The following HERC4 variants were observed in gnomAD, a reference collection of about 807,000 sequenced individuals.
HERC4 encodes HECT and RLD domain containing E3 ubiquitin protein ligase 4, also known as probable E3 ubiquitin-protein ligase HERC4.
A neutral mutation model predicts 124.3 loss-of-function variants in HERC4; 28 were observed. The ratio of observed to expected loss-of-function variants is 0.23; its 90% CI spans 0.17 to 0.31. The LOEUF (loss-of-function observed/expected upper bound fraction) is 0.31, where lower values mean the gene tolerates loss of function less well. Among genes scored for constraint, HERC4 ranks in the 10% least tolerant of loss-of-function variants. HERC4 has a pLI of 1.00. For synonymous variants in HERC4, 407 were observed against 421.5 expected, an observed-to-expected ratio of 0.97 and a Z score of 0.42; for missense variants, 713 against 1,229.3, an observed-to-expected ratio of 0.58 and a Z score of 6.28.
intron 3 of HERC4, among the ~76,000 whole-genome samples, chr10:68,066,096 T>C (rs1241211978): frequency 6.6e-6 from 1 of 152,118 alleles, no homozygotes; most frequent in Admixed American, 6.5e-5. Flanking sequence ...CCAAATAAAC[T>C]CTTATATAAA....
At chr10:67,935,644 C>G (rs568216494) in intron 22 of HERC4, among the ~76,000 whole-genome samples, 1 of 152,300 alleles carries the variant, frequency 6.6e-6, no homozygotes, top group South Asian at 2.1e-4. Context: ...AATTTCCAAT[C>G]TCCTGCCCAG....
At chr10:67,961,356 T>C (rs1167388558) in intron 16 of HERC4, 1 of 153,374 alleles carries the variant, frequency 6.5e-6, no homozygotes, top group Non-Finnish European at 1.5e-5. Context: ...ATATTTCTTA[T>C]ACTGAACACA....
intron 23 of HERC4, 125 bp downstream of exon 23, chr10:67,932,472 G>A (rs1564918993): frequency 4.1e-6 from 3 of 727,992 alleles, no homozygotes; most frequent in Non-Finnish European, 4.5e-6. Context: ...AGTTTGAAGG[G>A]TAGAGTGCTT....
chr10:67,990,168 T>C, intron 14 of HERC4, 43 bp downstream of exon 14: 1 of 1,484,806 alleles, frequency 6.7e-7, no homozygotes. Context: ...CATTTTCATT[T>C]AAAGAGAAAA....
intron 19 of HERC4, among the ~76,000 whole-genome samples, chr10:67,952,325 C>G (rs1346068197): frequency 2.0e-5 from 3 of 152,110 alleles, no homozygotes; most frequent in Non-Finnish European, 4.4e-5. Flanking sequence ...CGTTTTGTCA[C>G]CAGGCTGGAG....
intron 16 of HERC4, among the ~76,000 whole-genome samples, chr10:67,964,444 T>A (rs950123723): frequency 1.2e-4 from 19 of 152,248 alleles, no homozygotes; most frequent in Middle Eastern, 3.4e-3. Flanking sequence ...TCTCCAAGAT[T>A]CCCTTTTATC....
intron 9 of HERC4, chr10:67,995,273 T>C: frequency 2.2e-6 from 1 of 455,754 alleles, no homozygotes; most frequent in Middle Eastern, 3.4e-4. Context: ...GTGGTGGTAG[T>C]AGGCATTGAT....
chr10:68,005,691 CT>C (rs1434694914), intron 9 of HERC4, among the ~76,000 whole-genome samples: 1 of 141,410 alleles, frequency 7.1e-6, no homozygotes, highest in Non-Finnish European at 1.5e-5. Flanking sequence ...TTTTAATTTT[CT>C]GTGCATCTAT....
At chr10:68,010,139 C>T in intron 9 of HERC4, 1 of 868,618 alleles carries the variant, frequency 1.2e-6, no homozygotes. Context: ...CTGGCACAAA[C>T]TCCGGGTTCT....
At chr10:67,953,042 A>G (rs1313846376) in intron 19 of HERC4, among the ~76,000 whole-genome samples, 1 of 152,182 alleles carries the variant, frequency 6.6e-6, no homozygotes, top group Non-Finnish European at 1.5e-5. Context: ...TATGTAATAT[A>G]TTGCTATCTA....
chr10:68,049,590 C>CAAAAAAAAAAA lies in HERC4; in HGVS notation c.227-5038_227-5028dup, dbSNP rs766514516. Among the ~76,000 whole-genome samples, 18 of 42,608 alleles carry CAAAAAAAAAAA rather than the reference C, an allele frequency of 4.2e-4. 1 individual carries two copies. The highest frequency in any genetic ancestry group is 2.0e-3 in the African/African-American group (17 of 8,522). 28.0% of individuals were successfully genotyped at this position (42,608 alleles called of 152,430 possible). The stretch of plus-strand genomic sequence containing the variant: ...TGGGTGACAGAGTGAGACACTGCCA[C>CAAAAAAAAAAA]AAAAAAAAAAAAAAAAAAAAAAACA... On this transcript the variant is annotated intron_variant, in intron 3 of 24. Coordinates refer to ENST00000373700, the MANE Select transcript of HERC4 (RefSeq NM_015601.4).
intron 19 of HERC4, among the ~76,000 whole-genome samples, chr10:67,948,136 A>C (rs7905627): frequency 6.6e-6 from 1 of 152,212 alleles, no homozygotes; most frequent in Non-Finnish European, 1.5e-5. Context: ...AGTTGTAAAC[A>C]CTTAAACTAA....
chr10:67,936,299 A>G (rs1472243971), intron 21 of HERC4, 64 bp from the exon 22 acceptor site: 2 of 906,902 alleles, frequency 2.2e-6, no homozygotes. Flanking sequence ...ATCTATTATT[A>G]TATTCTACCT....
At chr10:67,998,365 T>A (rs2037018565) in intron 9 of HERC4, among the ~76,000 whole-genome samples, 1 of 151,390 alleles carries the variant, frequency 6.6e-6, no homozygotes. Flanking sequence ...CTGGCCAAAA[T>A]GGTGAAACCC....
At chr10:68,044,374 T>A (rs1276843168) in intron 4 of HERC4, 30 bp downstream of exon 4, 1 of 1,587,940 alleles carries the variant, frequency 6.3e-7, no homozygotes, top group Admixed American at 1.9e-5. Context: ...AAAAGATTGT[T>A]AAGGACCTCT....
chr10:68,009,639 T>C (rs536153333), intron 9 of HERC4, among the ~76,000 whole-genome samples: 53 of 152,280 alleles, frequency 3.5e-4, no homozygotes, highest in African/African-American at 1.2e-3. Flanking sequence ...TGTGGCAATT[T>C]CTTAAAATAA....
At chr10:68,025,948 C>T (rs578153242) in intron 7 of HERC4, among the ~76,000 whole-genome samples, 2 of 152,124 alleles carry the variant, frequency 1.3e-5, no homozygotes, top group Non-Finnish European at 2.9e-5. Context: ...TATCATTATA[C>T]TGTCTTGCTG....
chr10:68,041,526 AAT>A (rs1302238815), intron 4 of HERC4, among the ~76,000 whole-genome samples: 4 of 152,186 alleles, frequency 2.6e-5, no homozygotes, highest in South Asian at 2.1e-4. Context: ...TAATAATTCA[AAT>A]ATGTTTAGTT....
intron 7 of HERC4, among the ~76,000 whole-genome samples, 193 bp downstream of exon 7, chr10:68,032,585 T>C (rs2039264207): frequency 6.6e-6 from 1 of 152,160 alleles, no homozygotes; most frequent in Admixed American, 6.5e-5. Context: ...AATTCACATT[T>C]AATAACATAA....
Sources: allele counts gnomAD v4.1 joint callset (sites outside exome capture counted in the v4.1 genomes callset), GRCh38; gene constraint gnomAD v4.1.1; transcripts MANE v1.5; gene names NCBI Gene and HGNC (gene_info 2026-07-23, HGNC 2026-07-21).